The following DIP2A variants were observed in gnomAD, a reference collection of about 807,000 sequenced individuals.
DIP2A encodes DIP2 acetate--CoA ligase A.
Under a neutral mutation model 177.4 loss-of-function variants are expected in DIP2A, and 85 were observed. The ratio of observed to expected loss-of-function variants is 0.48; its 90% CI spans 0.40 to 0.57. The LOEUF is 0.57. Among genes scored for constraint, DIP2A ranks in the 20% least tolerant of loss-of-function variants. The probability of loss-of-function intolerance (pLI) is 0.00; values close to 1 mark genes in which losing one functional copy is unlikely to be tolerated. For synonymous variants in DIP2A, 886 were observed against 881.8 expected (o/e 1.00, Z -0.08); for missense variants, 1,791 against 2,100.2 (o/e 0.85, Z 2.88).
chr21:46,508,166 A>T (rs13047052), intron 6 of DIP2A, among the ~76,000 whole-genome samples: 72,528 of 151,176 alleles, frequency 0.48, 18,273 homozygotes, highest in African/African-American at 0.63. Flanking sequence ...CCCAAGGAGC[A>T]GGGACTGCAG....
intron 2 of DIP2A, among the ~76,000 whole-genome samples, chr21:46,485,122 T>C (rs1477039887): frequency 6.6e-6 from 1 of 152,240 alleles, no homozygotes; most frequent in East Asian, 1.9e-4. Context: ...TTTTTATGAT[T>C]ATGAACAACC....
At position 46,551,864 on chromosome 21, in the gene DIP2A, C is replaced by CCACT. The variant is rs1326785028; in HGVS notation, c.2992_2995dup (p.Pro999HisfsTer3). Reference sequence around the variant, plus strand: ...GACGTGCTGCAGTGGCGTGCCCACACCACTCCTGACCACCCGCTGTTCTTG... The same window carrying CCACT: ...GACGTGCTGCAGTGGCGTGCCCACACCACTCACTCCTGACCACCCGCTGTTCTTG... On this transcript the variant is annotated frameshift_variant, in exon 25 of 38. Coordinates refer to ENST00000417564, the MANE Select transcript of DIP2A (RefSeq NM_015151.4). LOFTEE classifies it high-confidence loss of function. The CCACT allele has an allele frequency of 6.2e-7, 1 of 1,610,800 alleles. No homozygotes were observed. The highest frequency in any genetic ancestry group is 8.5e-7 in the Non-Finnish European group (1 of 1,178,734).
intron 1 of DIP2A, chr21:46,462,757 G>A (rs1456927942): frequency 2.0e-5 from 3 of 151,484 alleles, no homozygotes; most frequent in African/African-American, 7.4e-5. Flanking sequence ...GTCTTCAACA[G>A]AAACTGGTAA....
At chr21:46,539,462 G>T (rs909510011) in intron 16 of DIP2A, 28 of 311,624 alleles carry the variant, frequency 9.0e-5, no homozygotes, top group African/African-American at 6.1e-4. Flanking sequence ...CACTGCTCAG[G>T]TCTCTGCGTC....
At position 46,539,883 on chromosome 21, in the gene DIP2A, T is replaced by C. The variant is rs752927726; in HGVS notation, c.1928T>C (p.Ile643Thr). Residue 643 changes from isoleucine (I) to threonine (T), a missense_variant, in exon 17 of 38, where the codon ATC becomes ACC. Transcript: ENST00000417564. ...CTCTTGTTGCTCTGTGCAGGGTCGA[T>C]CTCCTCCTGTGACGCCTTCCTCAAC... ...IVADGANPWS[I>T]SSCDAFLNVF... 6.2e-7 allele frequency: 1 copy of C among 1,613,820 alleles called. No individual in the cohort carries two copies. The highest frequency in any genetic ancestry group is 8.5e-7 in the Non-Finnish European group (1 of 1,179,744).
chr21:46,467,157 G>A (rs1164167022), intron 1 of DIP2A, among the ~76,000 whole-genome samples: 1 of 151,936 alleles, frequency 6.6e-6, no homozygotes, highest in Non-Finnish European at 1.5e-5. Flanking sequence ...TCAGCCGGGC[G>A]TGGTGGTGGG....
At chr21:46,545,371 G>T in intron 19 of DIP2A, 98 bp downstream of exon 19, 1 of 1,408,124 alleles carries the variant, frequency 7.1e-7, no homozygotes, top group Non-Finnish European at 9.6e-7. Flanking sequence ...AGAGGCTGCG[G>T]GGATGGTCTC....
chr21:46,499,398 C>G (rs563143769), intron 5 of DIP2A, among the ~76,000 whole-genome samples: 5 of 152,276 alleles, frequency 3.3e-5, no homozygotes, highest in African/African-American at 1.2e-4. Flanking sequence ...GATCATCACC[C>G]TTGACCTGGC....
At position 46,560,781 on chromosome 21, in the gene DIP2A, C is replaced by T; in HGVS notation, c.4029C>T (p.Asp1343=). Residue 1343 remains aspartate, a splice_region_variant and synonymous_variant, in exon 33 of 38, where the codon GAC becomes GAT. Coordinates refer to ENST00000417564, the MANE Select transcript of DIP2A (RefSeq NM_015151.4). Reference sequence around the variant, plus strand: ...TGGACATGCGGGCACTGCGCCATGACAGGTAATGCTCCCAGCCTGCCTGGG... The same window carrying T: ...TGGACATGCGGGCACTGCGCCATGATAGGTAATGCTCCCAGCCTGCCTGGG... The part of the protein sequence containing the change: ...VYVDMRALRH[D]RVRLVERGSP... The T allele has an allele frequency of 1.9e-6, 3 of 1,604,982 alleles. No homozygotes were observed. The highest frequency in any genetic ancestry group is 2.6e-6 in the Non-Finnish European group (3 of 1,175,990).
intron 1 of DIP2A, among the ~76,000 whole-genome samples, chr21:46,465,491 T>A (rs1258347570): frequency 6.6e-6 from 1 of 152,144 alleles, no homozygotes; most frequent in Admixed American, 6.5e-5. Context: ...GGAGAATCGC[T>A]CAAACCCAGG....
At chr21:46,548,617 A>T (rs2060152849) in intron 21 of DIP2A, among the ~76,000 whole-genome samples, 1 of 152,230 alleles carries the variant, frequency 6.6e-6, no homozygotes, top group East Asian at 1.9e-4. Flanking sequence ...ACAAGTAGAG[A>T]AGGTGGAAAG....
Position 46,557,532 on chromosome 21 carries a change from T to C in DIP2A, c.3630-53T>C. On this transcript the variant is annotated intron_variant, in intron 30 of 37. Transcript: ENST00000417564. The surrounding 1 kb of genome is among the most constrained non-coding windows in gnomAD (Gnocchi z 6.0). ...GTTCTTGAGGAAGGGAAGAGTGGAG[T>C]GCCCAGGGTGCTGGGTGGGCGGGCG... 1.3e-6 allele frequency: 2 copies of C among 1,549,916 alleles called. No homozygotes were observed. The highest frequency in any genetic ancestry group is 1.8e-6 in the Non-Finnish European group (2 of 1,140,596).
chr21:46,462,040 C>A (rs190284250), intron 1 of DIP2A, among the ~76,000 whole-genome samples: 2 of 152,122 alleles, frequency 1.3e-5, no homozygotes, highest in African/African-American at 4.8e-5. Flanking sequence ...AGAGTGGGAC[C>A]TTGTCTCAAA....
Position 46,546,911 on chromosome 21 carries a change from T to TCAGGA in DIP2A, c.2395-1_2398dup. 1 of 1,613,588 alleles carries TCAGGA rather than the reference T, an allele frequency of 6.2e-7. No individual in the cohort carries two copies. Among genetic ancestry groups the TCAGGA allele is most frequent in the Non-Finnish European group, 8.5e-7 (1 of 1,179,714 alleles). The stretch of plus-strand genomic sequence containing the variant: ...GGAGTCTTGACGCACACCCTTTCCC[T>TCAGGA]CAGGACAACCTGGTCTTCATCGTGG... On this transcript the variant is annotated splice_polypyrimidine_tract_variant and splice_region_variant and intron_variant, in intron 20 of 37. Coordinates refer to ENST00000417564, the MANE Select transcript of DIP2A (RefSeq NM_015151.4).
chr21:46,481,927 TG>T (rs2056369988), intron 1 of DIP2A, among the ~76,000 whole-genome samples: 1 of 152,152 alleles, frequency 6.6e-6, no homozygotes, highest in Non-Finnish European at 1.5e-5. Context: ...GGCGCATGCC[TG>T]TAATCCCAGC....
chr21:46,477,149 G>C lies in DIP2A; in HGVS notation c.92-7608G>C, dbSNP rs983346268. 2.6e-5 allele frequency among the ~76,000 whole-genome samples: 4 copies of C among 152,142 alleles called. No individual in the cohort carries two copies. In the East Asian group the frequency reaches 5.8e-4, roughly 22 times the overall value. On this transcript the variant is annotated intron_variant, in intron 1 of 37. Coordinates refer to ENST00000417564, the MANE Select transcript of DIP2A (RefSeq NM_015151.4). ...TCCAGTAGGACCGGTCCGATTGTTT[G>C]GGTAAATCTAGCAACATTGACTTAA...
rs376802906 is a variant in DIP2A, at chr21:46,557,552, C to T, written c.3630-33C>T. On this transcript the variant is annotated intron_variant, in intron 30 of 37. Transcript: ENST00000417564. This position sits in a 1 kb window ranked among gnomAD's most constrained non-coding sequence, Gnocchi z 6.0. ...TGGAGTGCCCAGGGTGCTGGGTGGG[C>T]GGGCGGAGCCTCACGAGCCTTCCCT... is the stretch of plus-strand genomic sequence containing the variant. The T allele has an allele frequency of 4.4e-5, 69 of 1,583,298 alleles. No homozygotes were observed. Among genetic ancestry groups the T allele is most frequent in the South Asian group, 3.0e-4 (27 of 88,966 alleles).
At position 46,560,732 on chromosome 21, in the gene DIP2A, G is replaced by T. The variant is rs370283379; in HGVS notation, c.3980G>T (p.Gly1327Val). 5 of 1,608,568 alleles carry T rather than the reference G, an allele frequency of 3.1e-6. No homozygotes were observed. The highest frequency in any genetic ancestry group is 4.2e-6 in the Non-Finnish European group (5 of 1,177,688). The change falls in exon 33 of 38, where the codon GGC becomes GTC. Residue 1327 changes from glycine to valine, a missense_variant. Transcript: ENST00000417564. ...CTGCTCTCCTTCCAGGGCACAGCTGGCCCGGACCCCACAACCGTCTACGTG... is the reference window on the plus strand; with the variant it reads ...CTGCTCTCCTTCCAGGGCACAGCTGTCCCGGACCCCACAACCGTCTACGTG... ...NVAICLQGTA[G>V]PDPTTVYVDM...
At chr21:46,550,244 T>C (rs1284917773) in intron 22 of DIP2A, 2 of 626,726 alleles carry the variant, frequency 3.2e-6, no homozygotes, top group African/African-American at 3.7e-5. Context: ...TCCTGTCTAA[T>C]TGAGGCTTTG....
Sources: gnomAD v4.1 joint callset for allele counts (sites outside exome capture counted in the v4.1 genomes callset) on GRCh38, gnomAD v4.1.1 for gene constraint, Gnocchi (gnomAD v3.1) non-coding constraint, MANE v1.5 for transcripts, NCBI Gene and HGNC (gene_info 2026-07-23, HGNC 2026-07-21) for gene names.